Variants in STX1B observed in about 807,000 individuals in gnomAD.
STX1B encodes syntaxin-1B.
STX1B carries 7 observed loss-of-function variants against 39.4 expected under a neutral mutation model. That is an observed-to-expected ratio of 0.18 (90% CI 0.10 to 0.33). The LOEUF (loss-of-function observed/expected upper bound fraction) is 0.33, where lower values mean the gene tolerates loss of function less well. Ranked by LOEUF, STX1B falls within the 10% of genes least tolerant of loss-of-function variation. The pLI is 1.00. For missense variants in STX1B, 198 were observed against 383.2 expected (o/e 0.52, Z 4.04); for synonymous variants, 136 against 144.1 (o/e 0.94, Z 0.40).
At position 31,000,890 on chromosome 16, in the gene STX1B, A is replaced by C. The variant is rs374784423; in HGVS notation, c.280+38T>G. The C allele has an allele frequency of 2.6e-5, 42 of 1,611,352 alleles. No individual in the cohort carries two copies. The African/African-American group carries it at 5.5e-4, about 21-fold the overall frequency. On this transcript the variant is annotated intron_variant, in intron 4 of 9. Coordinates refer to ENST00000215095, the MANE Select transcript of STX1B (RefSeq NM_052874.5). ...CCTGAGCCACCATGCTCCACCCACA[A>C]TTCTTTTCCTTCCTGGTTGAGGGAT...
chr16:30,992,565 C>G lies in STX1B; in HGVS notation c.*256G>C. ...GCACACGCACGCTGGGGTGTCCACA[C>G]GTCTCGAGCATGTGCCGGCGGCATG... On this transcript the variant is annotated 3_prime_UTR_variant, in exon 10 of 10. Transcript: ENST00000215095. 2.1e-6 allele frequency: 1 copy of G among 465,844 alleles called. No individual in the cohort carries two copies. Among genetic ancestry groups the G allele is most frequent in the South Asian group, 2.8e-5 (1 of 35,298 alleles). 28.9% of individuals were successfully genotyped at this position (465,844 alleles called of 1,614,324 possible). A position where few individuals can be genotyped will look rare whatever the true frequency, so the allele number is the denominator to read the frequency against.
Position 30,992,473 on chromosome 16 carries a change from T to A in STX1B, c.*348A>T. The A allele has an allele frequency of 3.8e-6, 1 of 266,658 alleles. No individual in the cohort carries two copies. The highest frequency in any genetic ancestry group is 5.0e-5 in the Admixed American group (1 of 20,096). The allele number at this position is 266,658 out of a possible 1,614,324, so 16.5% of individuals were successfully genotyped here. A position where few individuals can be genotyped will look rare whatever the true frequency, so the allele number is the denominator to read the frequency against. On this transcript the variant is annotated 3_prime_UTR_variant, in exon 10 of 10. Coordinates refer to ENST00000215095, the MANE Select transcript of STX1B (RefSeq NM_052874.5). The stretch of plus-strand genomic sequence containing the variant: ...CAACAGCCCCGGTGAAGGGGGAAGC[T>A]CAGACCACGCACACACACCCAAGGT...
At chr16:31,003,329 G>A (rs576966644) in intron 1 of STX1B, among the ~76,000 whole-genome samples, 27 of 152,318 alleles carry the variant, frequency 1.8e-4, no homozygotes, top group African/African-American at 6.5e-4. Flanking sequence ...AAAGTGGGGC[G>A]GCACAGGTGG....
At chr16:30,998,490 G>A (rs1382644000) in intron 4 of STX1B, among the ~76,000 whole-genome samples, 2 of 152,252 alleles carry the variant, frequency 1.3e-5, no homozygotes, top group Non-Finnish European at 2.9e-5. Flanking sequence ...GGGCCCGACT[G>A]TCAGCCTTGG....
At position 31,001,970 on chromosome 16, in the gene STX1B, G is replaced by C. The variant is rs1163805067; in HGVS notation, c.31-367C>G. On this transcript the variant is annotated intron_variant, in intron 1 of 9. Coordinates refer to ENST00000215095, the MANE Select transcript of STX1B (RefSeq NM_052874.5). This position sits in a 1 kb window ranked among gnomAD's most constrained non-coding sequence, Gnocchi z 5.5. The stretch of plus-strand genomic sequence containing the variant: ...TGAAGGGTCCTGGACTAGAGTCCCG[G>C]GAGCCTGGATCTCCCTACTGTTCCT... Among the ~76,000 whole-genome samples, 3 of 152,032 alleles carry C rather than the reference G, an allele frequency of 2.0e-5. No individual in the cohort carries two copies. Among genetic ancestry groups the C allele is most frequent in the Non-Finnish European group, 4.4e-5 (3 of 67,984 alleles).
intron 4 of STX1B, among the ~76,000 whole-genome samples, chr16:30,997,924 G>T (rs2056604410): frequency 6.6e-6 from 1 of 152,216 alleles, no homozygotes; most frequent in Non-Finnish European, 1.5e-5. Flanking sequence ...CCCAGCCCGC[G>T]TGAAGGGGCC....
chr16:30,994,892 C>CTTTTTTTTTTTT (rs10524041), intron 7 of STX1B, among the ~76,000 whole-genome samples: 12 of 99,816 alleles, frequency 1.2e-4, no homozygotes, highest in East Asian at 5.4e-4. Context: ...GTCTCCCCGT[C>CTTTTTTTTTTTT]TTTTTTTTTT....
intron 7 of STX1B, 90 bp from the exon 8 acceptor site, chr16:30,993,574 A>G (rs2056575154): frequency 1.4e-6 from 2 of 1,470,672 alleles, no homozygotes; most frequent in South Asian, 2.3e-5. Flanking sequence ...ATCCGGTGTC[A>G]TTTACTAGCT....
intron 7 of STX1B, among the ~76,000 whole-genome samples, chr16:30,995,653 G>A (rs953737874): frequency 6.6e-6 from 1 of 151,960 alleles, no homozygotes; most frequent in Non-Finnish European, 1.5e-5. Flanking sequence ...ACCATGCCCG[G>A]CTAATTTTTG....
At chr16:31,004,050 C>T (rs1226644753) in intron 1 of STX1B, among the ~76,000 whole-genome samples, 1 of 152,204 alleles carries the variant, frequency 6.6e-6, no homozygotes, top group Non-Finnish European at 1.5e-5. Flanking sequence ...TGACTTTCCG[C>T]TCCCAGTTAC....
chr16:30,999,052 A>AC (rs1399515953), intron 4 of STX1B, among the ~76,000 whole-genome samples: 2 of 151,460 alleles, frequency 1.3e-5, no homozygotes, highest in African/African-American at 4.9e-5. Context: ...GATGCCCTCC[A>AC]CCCCCCACCC....
chr16:30,992,504 T>G lies in STX1B; in HGVS notation c.*317A>C. 4.2e-5 allele frequency: 11 copies of G among 264,948 alleles called. No individual in the cohort carries two copies. The highest frequency in any genetic ancestry group is 1.4e-4 in the South Asian group (2 of 14,516). The allele number at this position is 264,948 out of a possible 1,614,324, so 16.4% of individuals were successfully genotyped here. On this transcript the variant is annotated 3_prime_UTR_variant, in exon 10 of 10. Coordinates refer to ENST00000215095, the MANE Select transcript of STX1B (RefSeq NM_052874.5). ...CACGCACACACACCCAAGGTGGGGG[T>G]GGAGGGGGTGCTCTGGTGCATCACA...
In STX1B at chr16:31,001,043, A is replaced by G. The variant is rs764034423; in HGVS notation, c.206-41T>C. 5 of 1,612,494 alleles carry G rather than the reference A, an allele frequency of 3.1e-6. No homozygotes were observed. Among genetic ancestry groups the G allele is most frequent in the Non-Finnish European group, 4.2e-6 (5 of 1,179,036 alleles). On this transcript the variant is annotated intron_variant, in intron 3 of 9. Coordinates refer to ENST00000215095, the MANE Select transcript of STX1B (RefSeq NM_052874.5). This position sits in a 1 kb window ranked among gnomAD's most constrained non-coding sequence, Gnocchi z 5.5. The stretch of plus-strand genomic sequence containing the variant: ...GGGCAAGTGAGATGTCTGGGTGGGA[A>G]CCCCAGGCCCCTTCTCCTCCCACCC...
At chr16:31,000,836 C>A in intron 4 of STX1B, 92 bp downstream of exon 4, 2 of 1,272,754 alleles carry the variant, frequency 1.6e-6, no homozygotes, top group Non-Finnish European at 2.3e-6. Flanking sequence ...TGGGATTGAG[C>A]AATTGGCCCC....
At position 30,992,168 on chromosome 16, in the gene STX1B, G is replaced by T. The variant is rs1421565086; in HGVS notation, c.*653C>A. ...AGCCCCTGGGGTAACAAAGACATGG[G>T]GTGTCTGCCATGGCCTGTGTGTACC... is the stretch of plus-strand genomic sequence containing the variant. On this transcript the variant is annotated 3_prime_UTR_variant, in exon 10 of 10. Transcript: ENST00000215095. The T allele has an allele frequency of 6.6e-6, 1 of 152,288 alleles. No individual in the cohort carries two copies. Among genetic ancestry groups the T allele is most frequent in the East Asian group, 1.9e-4 (1 of 5,182 alleles). 9.4% of individuals were successfully genotyped at this position (152,288 alleles called of 1,614,324 possible). A position where few individuals can be genotyped will look rare whatever the true frequency, so the allele number is the denominator to read the frequency against.
At chr16:30,996,578 G>T in intron 7 of STX1B, 105 bp downstream of exon 7, 1 of 1,034,476 alleles carries the variant, frequency 9.7e-7, no homozygotes, top group Non-Finnish European at 1.5e-6. Context: ...CAGGCTTCCC[G>T]CTGCTCATTT....
rs1567376447 is a variant in STX1B at position 30,992,788 on chromosome 16, G to A, written c.*33C>T. ...GGGTATTGCTCCCGATGTGGTGGGGGAAGGGTCTGGGAGAGAGAAGGGTGG... is the reference window on the plus strand; with the variant it reads ...GGGTATTGCTCCCGATGTGGTGGGGAAAGGGTCTGGGAGAGAGAAGGGTGG... On this transcript the variant is annotated 3_prime_UTR_variant, in exon 10 of 10. Transcript: ENST00000215095. 17 of 1,343,954 alleles carry A rather than the reference G, an allele frequency of 1.3e-5. No homozygotes were observed. The highest frequency in any genetic ancestry group is 1.8e-5 in the Non-Finnish European group (17 of 966,888). 83.3% of individuals were successfully genotyped at this position (1,343,954 alleles called of 1,614,324 possible).
intron 7 of STX1B, 62 bp from the exon 8 acceptor site, chr16:30,993,546 T>C: frequency 1.3e-6 from 2 of 1,592,316 alleles, no homozygotes; most frequent in Non-Finnish European, 1.7e-6. Context: ...TCCACCGCAG[T>C]GGAGTGGCCA....
At chr16:30,995,148 A>AT (rs1035428910) in intron 7 of STX1B, among the ~76,000 whole-genome samples, 24 of 151,784 alleles carry the variant, frequency 1.6e-4, no homozygotes, top group South Asian at 1.2e-3. Flanking sequence ...TCAAAAAAAC[A>AT]TTTTTTTTGT....
Sources: gnomAD v4.1 joint callset for allele counts (sites outside exome capture counted in the v4.1 genomes callset) on GRCh38, gnomAD v4.1.1 for gene constraint, Gnocchi (gnomAD v3.1) non-coding constraint, MANE v1.5 for transcripts, NCBI Gene and HGNC (gene_info 2026-07-23, HGNC 2026-07-21) for gene names.